The following KCNMB3 variants were observed in gnomAD, a reference collection of about 807,000 sequenced individuals.
The protein encoded by KCNMB3 is potassium calcium-activated channel subfamily M regulatory beta subunit 3.
In KCNMB3, 18 loss-of-function variants were observed where a neutral mutation model predicts 11.9. That is an observed-to-expected ratio of 1.51 (90% CI 1.04 to 2.23). KCNMB3 has a LOEUF of 2.23. Ranked by LOEUF, KCNMB3 falls within the 30% of genes most tolerant of loss-of-function variation. The pLI is 0.00. For synonymous variants in KCNMB3, 78 were observed against 119.2 expected, an observed-to-expected ratio of 0.65 and a Z score of 2.25; for missense variants, 247 against 329.4, an observed-to-expected ratio of 0.75 and a Z score of 1.94.
At chr3:179,255,958 C>A (rs1339185913), upstream of KCNMB3, among the ~76,000 whole-genome samples, 1 of 152,164 alleles carries the variant, frequency 6.6e-6, no homozygotes, top group Non-Finnish European at 1.5e-5. Flanking sequence ...AAAAAATCCT[C>A]TCAATGAATA....
rs200581491 is a variant in KCNMB3, at chr3:179,250,741, A to T, written c.248+2T>A. 93 of 1,614,036 alleles carry T rather than the reference A, an allele frequency of 5.8e-5. No homozygotes were observed. The highest frequency in any genetic ancestry group is 2.9e-5 in the Non-Finnish European group (34 of 1,179,996). Reference sequence around the variant, plus strand: ...TCTAGATTTCCTTCCTCTGTTTCTTACCTGAGCATAAAAGGCTTTAGAATG... The same window carrying T: ...TCTAGATTTCCTTCCTCTGTTTCTTTCCTGAGCATAAAAGGCTTTAGAATG... On this transcript the variant is annotated splice_donor_variant, in intron 1 of 2. Transcript: ENST00000392685. LOFTEE classifies it high-confidence loss of function.
chr3:179,248,757 A>T lies in KCNMB3; in HGVS notation c.248+1986T>A, dbSNP rs980220436. ...AAAAAAAAAAAAAACTTAACTACTA[A>T]TAGCCTACTGTTGACTGGAAGCCTT... is the stretch of plus-strand genomic sequence containing the variant. On this transcript the variant is annotated intron_variant, in intron 1 of 2. Transcript: ENST00000392685. Among the ~76,000 whole-genome samples the T allele has an allele frequency of 3.3e-5, 5 of 151,892 alleles. 1 individual carries two copies. Among genetic ancestry groups the T allele is most frequent in the African/African-American group, 1.2e-4 (5 of 41,364 alleles).
At chr3:179,250,639 G>A in intron 1 of KCNMB3, 104 bp downstream of exon 1, 7 of 1,134,364 alleles carry the variant, frequency 6.2e-6, no homozygotes, top group Non-Finnish European at 9.0e-6. Flanking sequence ...GACCATGGCA[G>A]AGAGTCACAG....
upstream of KCNMB3, chr3:179,251,396 C>A: frequency 7.0e-7 from 1 of 1,428,348 alleles, no homozygotes; most frequent in East Asian, 2.5e-5. Context: ...TCATATTCAC[C>A]TGTTGGAAAG....
At chr3:179,246,159 CCCA>C (rs1725635606) in intron 1 of KCNMB3, among the ~76,000 whole-genome samples, 2 of 137,322 alleles carry the variant, frequency 1.5e-5, no homozygotes, top group South Asian at 2.3e-4. Context: ...TGCCTATAAT[CCCA>C]GCACTTTGGG....
chr3:179,267,000 T>C (rs1726388685), upstream of KCNMB3: 5 of 1,052,310 alleles, frequency 4.8e-6, no homozygotes, highest in African/African-American at 8.1e-5. Context: ...CTCTTTGCAC[T>C]GTGCTTGCCG....
Position 179,250,910 on chromosome 3 carries a change from C to A in KCNMB3, c.81G>T (p.Lys27Asn). 2 of 1,614,142 alleles carry A rather than the reference C, an allele frequency of 1.2e-6. No homozygotes were observed. The highest frequency in any genetic ancestry group is 1.7e-6 in the Non-Finnish European group (2 of 1,180,038). ...CATCACTGTAGTCTGTCTCTCTCTT[C>A]TTCCCTGAGGCAGGAAAGGCTGTCC... ...PQRTAFPASG[K>N]KRETDYSDGD... is the part of the protein sequence containing the mutation. Residue 27 changes from lysine (K) to asparagine (N), a missense_variant, in exon 1 of 3, where the codon AAG (lysine) becomes AAT (asparagine). Lys to Asn is a moderately conservative substitution (Grantham distance 94). Coordinates refer to ENST00000392685, the MANE Select transcript of KCNMB3 (RefSeq NM_171830.2).
Position 179,244,655 on chromosome 3 carries a change from G to C in KCNMB3, c.287C>G (p.Thr96Arg). 5.0e-6 allele frequency: 8 copies of C among 1,613,930 alleles called. No individual in the cohort carries two copies. Among genetic ancestry groups the C allele is most frequent in the Non-Finnish European group, 6.8e-6 (8 of 1,179,974 alleles). The change falls in exon 2 of 3, where the codon ACA (threonine) becomes AGA (arginine). Residue 96 changes from threonine to arginine, a missense_variant. By Grantham distance (71) the Thr-to-Arg change is moderately conservative. Coordinates refer to ENST00000392685, the MANE Select transcript of KCNMB3 (RefSeq NM_171830.2). ...REESTCTAIH[T>R]DIMDDWLDCA... is the part of the protein sequence containing the mutation. ...GTCCAGCCAGTCGTCCATGATATCT[G>C]TGTGGATGGCAGTGCAGGTCGATTC...
At chr3:179,258,711 G>A (rs1726102339) in intron 1 of KCNMB3, among the ~76,000 whole-genome samples, 1 of 152,104 alleles carries the variant, frequency 6.6e-6, no homozygotes, top group Non-Finnish European at 1.5e-5. Context: ...TAAGGCAAAT[G>A]GTAAATGCTT....
chr3:179,266,006 T>C (rs9863614), intron 1 of KCNMB3, among the ~76,000 whole-genome samples: 12,326 of 152,200 alleles, frequency 0.081, 712 homozygotes, highest in African/African-American at 0.16. Context: ...GGCTAGAGTT[T>C]AGGGAGGTGT....
At chr3:179,251,251 G>A (rs1052422042), upstream of KCNMB3, 89 of 1,487,022 alleles carry the variant, frequency 6.0e-5, no homozygotes, top group Non-Finnish European at 7.4e-5. Context: ...TACGAACTTT[G>A]TTATCTTTCA....
At chr3:179,254,054 C>T (rs1168097780), upstream of KCNMB3, among the ~76,000 whole-genome samples, 1 of 152,116 alleles carries the variant, frequency 6.6e-6, no homozygotes, top group Non-Finnish European at 1.5e-5. Flanking sequence ...AACTTGAGGG[C>T]ATTTGCGGAA....
At chr3:179,240,292 C>T (rs1366383055), downstream of KCNMB3, 11 of 466,344 alleles carry the variant, frequency 2.4e-5, no homozygotes, top group Admixed American at 3.8e-5. Flanking sequence ...TTTTTCTACC[C>T]CAGTAAAGTG....
intron 1 of KCNMB3, among the ~76,000 whole-genome samples, chr3:179,249,608 G>C (rs1439024814): frequency 6.6e-6 from 1 of 152,132 alleles, no homozygotes; most frequent in African/African-American, 2.4e-5. Context: ...GGGAGGCAGA[G>C]GTTGCAGTGA....
chr3:179,266,514 C>T, intron 1 of KCNMB3: 1 of 981,200 alleles, frequency 1.0e-6, no homozygotes, highest in Admixed American at 2.2e-5. Context: ...GCTGGGTACC[C>T]TGGGAGGCAT....
downstream of KCNMB3, chr3:179,240,022 T>C (rs184550595): frequency 7.2e-3 from 11,115 of 1,548,018 alleles, 147 homozygotes; most frequent in South Asian, 0.042. Context: ...TCAGAAACTG[T>C]CAATGTCTGC....
chr3:179,250,699 T>A (rs1391856082), intron 1 of KCNMB3, 44 bp downstream of exon 1: 1 of 1,597,816 alleles, frequency 6.3e-7, no homozygotes, highest in East Asian at 2.2e-5. Flanking sequence ...TGCCTGGATC[T>A]TATCTGAATT....
chr3:179,239,927 G>A, downstream of KCNMB3: 3 of 891,792 alleles, frequency 3.4e-6, no homozygotes, highest in South Asian at 3.1e-5. Flanking sequence ...AATAATAACA[G>A]TATCACTAAA....
rs1725567633 is a variant in KCNMB3 at position 179,244,494 on chromosome 3, C to A, written c.447+1G>T. On this transcript the variant is annotated splice_donor_variant, in intron 2 of 2. Transcript: ENST00000392685. LOFTEE classifies it high-confidence loss of function. ...TAAGAACTCTTTAAACTTTACAATA[C>A]CTTGGGATTTATCTGGACAGCCTCT... The A allele has an allele frequency of 1.2e-6, 2 of 1,613,384 alleles. No individual in the cohort carries two copies. The highest frequency in any genetic ancestry group is 4.5e-5 in the East Asian group (2 of 44,882).
Sources: allele counts gnomAD v4.1 joint callset (sites outside exome capture counted in the v4.1 genomes callset), GRCh38; gene constraint gnomAD v4.1.1; transcripts MANE v1.5; gene names NCBI Gene and HGNC (gene_info 2026-07-23, HGNC 2026-07-21).